The following PPARGC1A variants were observed in gnomAD, a reference collection of about 807,000 sequenced individuals.
PPARGC1A encodes peroxisome proliferator-activated receptor gamma coactivator 1-alpha.
A neutral mutation model predicts 88.7 loss-of-function variants in PPARGC1A; 25 were observed. That is an observed-to-expected ratio of 0.28 (90% CI 0.21 to 0.39). The LOEUF is 0.39. Among genes scored for constraint, PPARGC1A ranks in the 10% least tolerant of loss-of-function variants. The pLI is 1.00. For synonymous variants in PPARGC1A, 363 were observed against 355.6 expected (o/e 1.02, Z -0.24); for missense variants, 880 against 968.7 (o/e 0.91, Z 1.22).
At chr4:23,966,348 C>A in the PPARGC1A span, among the ~76,000 whole-genome samples, 1 of 152,202 alleles carries the variant, frequency 6.6e-6, no homozygotes, top group African/African-American at 2.4e-5. Flanking sequence ...CCCTGTGTGG[C>A]TGTTGAACAT....
chr4:24,319,286 G>A, the PPARGC1A span, among the ~76,000 whole-genome samples: 2 of 152,166 alleles, frequency 1.3e-5, no homozygotes, highest in African/African-American at 2.4e-5. Context: ...AGGCTACAAT[G>A]AGCCATGGTT....
At chr4:24,338,185 C>A in the PPARGC1A span, among the ~76,000 whole-genome samples, 2 of 152,238 alleles carry the variant, frequency 1.3e-5, no homozygotes, top group South Asian at 4.2e-4. Flanking sequence ...GATTTGTGAG[C>A]CCCTGTGTAA....
chr4:23,807,732 CTT>C lies in PPARGC1A; in HGVS notation c.2019+5013_2019+5014del, dbSNP rs1720070558. On this transcript the variant is annotated intron_variant, in intron 10 of 12. Transcript: ENST00000264867. ...AAATTTCCTTGTGTTGTGTTTTTTT[CTT>C]TTGTGTGTGTGTGTGTGTGTATGTG... Among the ~76,000 whole-genome samples the C allele has an allele frequency of 8.6e-5, 13 of 150,588 alleles. No homozygotes were observed. The South Asian group carries it at 2.7e-3, about 32-fold the overall frequency.
the PPARGC1A span, among the ~76,000 whole-genome samples, chr4:24,296,500 C>G: frequency 6.6e-6 from 1 of 152,210 alleles, no homozygotes; most frequent in East Asian, 1.9e-4. Flanking sequence ...TAAGAGCCAG[C>G]CTCTTTATCT....
At chr4:23,995,018 C>A in the PPARGC1A span, among the ~76,000 whole-genome samples, 1 of 152,096 alleles carries the variant, frequency 6.6e-6, no homozygotes, top group African/African-American at 2.4e-5. Flanking sequence ...CCTAAGTTGG[C>A]AGTTTAATAT....
At chr4:24,111,806 C>T in the PPARGC1A span, among the ~76,000 whole-genome samples, 2 of 152,228 alleles carry the variant, frequency 1.3e-5, no homozygotes, top group Admixed American at 1.3e-4. Flanking sequence ...AAAACGGCTC[C>T]CAGTGGAGAC....
the PPARGC1A span, among the ~76,000 whole-genome samples, chr4:24,456,372 A>G: frequency 6.6e-6 from 1 of 152,186 alleles, no homozygotes; most frequent in African/African-American, 2.4e-5. Context: ...CCTTACCTGG[A>G]AGGAAGCCCA....
At chr4:23,851,818 G>A (rs1729349057) in intron 2 of PPARGC1A, among the ~76,000 whole-genome samples, 6 of 152,180 alleles carry the variant, frequency 3.9e-5, no homozygotes, top group Admixed American at 3.9e-4. Flanking sequence ...GCTGTATGCT[G>A]TGTCTTACAG....
chr4:23,938,371 G>A, the PPARGC1A span, among the ~76,000 whole-genome samples: 5 of 152,092 alleles, frequency 3.3e-5, no homozygotes, highest in African/African-American at 9.7e-5. Context: ...CAATTTTCTA[G>A]GTCATTCATT....
the PPARGC1A span, among the ~76,000 whole-genome samples, chr4:24,176,397 C>CA: frequency 6.6e-6 from 1 of 151,800 alleles, no homozygotes; most frequent in African/African-American, 2.4e-5. Flanking sequence ...TGCCACACAA[C>CA]AAAAAAGTGT....
At chr4:24,215,742 G>A in the PPARGC1A span, among the ~76,000 whole-genome samples, 1 of 152,184 alleles carries the variant, frequency 6.6e-6, no homozygotes, top group African/African-American at 2.4e-5. Flanking sequence ...GAATGGCCAA[G>A]AAAGCTGTAG....
At chr4:24,288,224 AC>A in the PPARGC1A span, among the ~76,000 whole-genome samples, 196 of 152,318 alleles carry the variant, frequency 1.3e-3, 2 homozygotes, top group African/African-American at 4.5e-3. Context: ...TCAGCAGCTG[AC>A]CACTCCTCAG....
the PPARGC1A span, among the ~76,000 whole-genome samples, chr4:24,182,242 C>A: frequency 6.6e-6 from 1 of 152,076 alleles, no homozygotes; most frequent in African/African-American, 2.4e-5. Context: ...TGAGAACATG[C>A]AGTGTTTGGT....
chr4:24,412,634 T>C, the PPARGC1A span, among the ~76,000 whole-genome samples: 1 of 152,080 alleles, frequency 6.6e-6, no homozygotes, highest in Non-Finnish European at 1.5e-5. Flanking sequence ...GCGACCACCA[T>C]CATGGCCAGC....
chr4:23,837,524 G>A (rs1055258893), intron 2 of PPARGC1A, among the ~76,000 whole-genome samples: 10 of 152,022 alleles, frequency 6.6e-5, no homozygotes, highest in South Asian at 4.1e-4. Flanking sequence ...TACCACAGAC[G>A]TTTAGCACTG....
chr4:23,998,868 C>T, the PPARGC1A span, among the ~76,000 whole-genome samples: 1 of 152,104 alleles, frequency 6.6e-6, no homozygotes, highest in East Asian at 1.9e-4. Flanking sequence ...GTTTTGATCT[C>T]CCTTAGTTGT....
intron 1 of PPARGC1A, among the ~76,000 whole-genome samples, chr4:23,898,289 C>T (rs1337239789): frequency 1.3e-5 from 2 of 152,118 alleles, no homozygotes; most frequent in African/African-American, 2.4e-5. Context: ...CACAGGATAG[C>T]GTTACCTTTT....
the PPARGC1A span, among the ~76,000 whole-genome samples, chr4:24,020,006 C>T: frequency 6.6e-6 from 1 of 152,180 alleles, no homozygotes; most frequent in Non-Finnish European, 1.5e-5. Context: ...GAGAAATTAT[C>T]TCATTTTTCC....
chr4:23,893,710 T>C (rs1307216799), upstream of PPARGC1A, among the ~76,000 whole-genome samples: 1 of 152,156 alleles, frequency 6.6e-6, no homozygotes, highest in East Asian at 1.9e-4. Flanking sequence ...TTTTCTCTCT[T>C]ACACACAGCA....
Sources: gnomAD v4.1 joint callset for allele counts (sites outside exome capture counted in the v4.1 genomes callset) on GRCh38, gnomAD v4.1.1 for gene constraint, MANE v1.5 for transcripts, NCBI Gene and HGNC (gene_info 2026-07-23, HGNC 2026-07-21) for gene names.